Variants in SRSF1 observed in about 807,000 individuals in gnomAD.
SRSF1 encodes the protein serine/arginine-rich splicing factor 1.
A neutral mutation model predicts 25.9 loss-of-function variants in SRSF1; 1 was observed. That is an observed-to-expected ratio of 0.04 (90% CI 0.01 to 0.18). SRSF1 has a LOEUF of 0.18. SRSF1 is among the 10% of genes least tolerant of loss of function. The probability of loss-of-function intolerance (pLI) is 1.00; values close to 1 mark genes in which losing one functional copy is unlikely to be tolerated. For missense variants in SRSF1, 65 were observed against 350.5 expected (o/e 0.19, Z 6.50); for synonymous variants, 132 against 126.2 (o/e 1.05, Z -0.31).
chr17:58,001,474 A>C lies in SRSF1; in HGVS notation c.*3932T>G, dbSNP rs542250960. Among the ~76,000 whole-genome samples, 2 of 152,198 alleles carry C rather than the reference A, an allele frequency of 1.3e-5. No homozygotes were observed. Among genetic ancestry groups the C allele is most frequent in the East Asian group, 3.8e-4 (2 of 5,208 alleles). The stretch of plus-strand genomic sequence containing the variant: ...CAGACCCAAACAATCAAGAACCAGA[A>C]AATGGGTTTCTTACCTTTTGTTTCC... On this transcript the variant is annotated 3_prime_UTR_variant, in exon 4 of 4. Coordinates refer to ENST00000258962, the MANE Select transcript of SRSF1 (RefSeq NM_006924.5).
downstream of SRSF1, among the ~76,000 whole-genome samples, chr17:57,998,998 G>A (rs1214257405): frequency 3.3e-5 from 5 of 152,312 alleles, no homozygotes; most frequent in East Asian, 5.8e-4. Flanking sequence ...GAAACCTGGG[G>A]AGAAAGCGGT....
Position 58,002,730 on chromosome 17 carries a change from G to A in SRSF1, c.*2676C>T, listed in dbSNP as rs1227832772. On this transcript the variant is annotated 3_prime_UTR_variant, in exon 4 of 4. Coordinates refer to ENST00000258962, the MANE Select transcript of SRSF1 (RefSeq NM_006924.5). ...TGAGACTTGGGTTAAAAGTTCTACA[G>A]GCTGAGCATGGTGGCTCACACCTGT... 3.3e-5 allele frequency among the ~76,000 whole-genome samples: 5 copies of A among 152,220 alleles called. No homozygotes were observed. Among genetic ancestry groups the A allele is most frequent in the African/African-American group, 1.2e-4 (5 of 41,452 alleles).
chr17:57,992,241 C>G, the SRSF1 span: 2 of 152,104 alleles, frequency 1.3e-5, no homozygotes, highest in African/African-American at 2.4e-5. Context: ...AGGAAAGAAA[C>G]TAAGACAAGT....
chr17:57,997,487 G>A (rs898616504), downstream of SRSF1, among the ~76,000 whole-genome samples: 1 of 152,156 alleles, frequency 6.6e-6, no homozygotes, highest in East Asian at 1.9e-4. Context: ...TGGGTCTGTA[G>A]AGTTAAAAAA....
downstream of SRSF1, among the ~76,000 whole-genome samples, chr17:57,996,512 G>T (rs2075366042): frequency 8.4e-6 from 1 of 118,664 alleles, no homozygotes; most frequent in Admixed American, 8.2e-5. Context: ...AACAGCCTTT[G>T]CTCTCAGTTT....
chr17:57,990,967 T>TAC, the SRSF1 span: 1 of 152,224 alleles, frequency 6.6e-6, no homozygotes, highest in Non-Finnish European at 1.5e-5. Flanking sequence ...ATGAGAAATA[T>TAC]GTGTAAGATG....
At chr17:57,989,455 TCCCCTCCATTTATC>T in the SRSF1 span, 7 of 397,516 alleles carry the variant, frequency 1.8e-5, no homozygotes, top group Admixed American at 8.8e-5. Flanking sequence ...CTGAATCTTA[TCCCCTCCATTTATC>T]CCCCTCCAGA....
Position 58,005,506 on chromosome 17 carries a change from C to T in SRSF1, c.647G>A (p.Arg216His), listed in dbSNP as rs765557047. 3 of 1,614,152 alleles carry T rather than the reference C, an allele frequency of 1.9e-6. No homozygotes were observed. The highest frequency in any genetic ancestry group is 1.3e-5 in the African/African-American group (1 of 75,042). ...GCGACTCCTGCTGTTGCTTCTGCTA[C>T]GGCTTCTGCTACGACTACGGCTTCG... is the stretch of plus-strand genomic sequence containing the variant. ...RSRSRSRSRS[R>H]SRSNSRSRSY... Residue 216 changes from arginine (R) to histidine (H), a missense_variant, in exon 4 of 4, where the codon CGT (arginine) becomes CAT (histidine). By Grantham distance (29) the Arg-to-His change is conservative. Coordinates refer to ENST00000258962, the MANE Select transcript of SRSF1 (RefSeq NM_006924.5). The surrounding 1 kb of genome is among the most constrained non-coding windows in gnomAD (Gnocchi z 5.2).
At chr17:58,006,706 GC>G in intron 1 of SRSF1, 179 bp from the exon 2 acceptor site, 1 of 886,622 alleles carries the variant, frequency 1.1e-6, no homozygotes, top group South Asian at 1.8e-5. Flanking sequence ...CACTACACCA[GC>G]CCTCAGCGCC....
the SRSF1 span, chr17:57,989,273 G>C: frequency 2.5e-6 from 1 of 398,504 alleles, no homozygotes; most frequent in African/African-American, 2.1e-5. Context: ...GAAGCTACTG[G>C]GAATATCAGA....
In SRSF1 at chr17:58,002,285, C is replaced by T. The variant is rs955072469; in HGVS notation, c.*3121G>A. On this transcript the variant is annotated 3_prime_UTR_variant, in exon 4 of 4. Transcript: ENST00000258962. ...GAAATTCTGCATTCAACTTAACATC[C>T]CCTCTTCCCAACATTCCACAACGTT... Among the ~76,000 whole-genome samples, 2 of 152,104 alleles carry T rather than the reference C, an allele frequency of 1.3e-5. No homozygotes were observed. The highest frequency in any genetic ancestry group is 2.4e-5 in the African/African-American group (1 of 41,392).
chr17:58,005,719 C>T lies in SRSF1; in HGVS notation c.552+82G>A. 1 of 1,610,888 alleles carries T rather than the reference C, an allele frequency of 6.2e-7. No individual in the cohort carries two copies. Among genetic ancestry groups the T allele is most frequent in the Non-Finnish European group, 8.5e-7 (1 of 1,177,758 alleles). On this transcript the variant is annotated intron_variant, in intron 3 of 3. Transcript: ENST00000258962. The surrounding 1 kb of genome is among the most constrained non-coding windows in gnomAD (Gnocchi z 5.2). ...CTGGCAATTTACTTGGACAACCTTG[C>T]CTGAATCCTTACCTTGAAATTCCAC... is the stretch of plus-strand genomic sequence containing the variant.
At chr17:57,992,715 G>A in the SRSF1 span, 1 of 152,196 alleles carries the variant, frequency 6.6e-6, no homozygotes, top group Non-Finnish European at 1.5e-5. Flanking sequence ...AGATGTTCTT[G>A]TGAAGAGCAA....
chr17:57,990,408 A>C, the SRSF1 span: 1 of 152,168 alleles, frequency 6.6e-6, no homozygotes, highest in African/African-American at 2.4e-5. Context: ...AAAAAAATTA[A>C]CCTTTTAAGT....
At chr17:58,000,729 C>T (rs1174657741), downstream of SRSF1, among the ~76,000 whole-genome samples, 2 of 152,114 alleles carry the variant, frequency 1.3e-5, no homozygotes, top group Non-Finnish European at 2.9e-5. Context: ...TAGTACAGTT[C>T]CTACAATCCC....
the SRSF1 span, chr17:57,990,167 C>CTT: frequency 0.086 from 13,305 of 155,430 alleles, 710 homozygotes; most frequent in African/African-American, 0.16. Context: ...TCGCTGGACT[C>CTT]TTGAACTTGT....
At chr17:58,006,832 C>A in intron 1 of SRSF1, 112 bp downstream of exon 1, 3 of 1,328,962 alleles carry the variant, frequency 2.3e-6, no homozygotes, top group Non-Finnish European at 3.1e-6. Context: ...TACAGTCTCG[C>A]CCCAACCTCT....
At chr17:57,992,207 G>C in the SRSF1 span, 1 of 152,068 alleles carries the variant, frequency 6.6e-6, no homozygotes, top group East Asian at 1.9e-4. Flanking sequence ...CCAACAAATC[G>C]CAAGTAAAAT....
At chr17:57,999,510 G>A (rs2075377582), downstream of SRSF1, among the ~76,000 whole-genome samples, 1 of 152,172 alleles carries the variant, frequency 6.6e-6, no homozygotes, top group Non-Finnish European at 1.5e-5. Context: ...CTGAAAAGGG[G>A]AAGAATTTTA....
Sources: gnomAD v4.1 joint callset for allele counts (sites outside exome capture counted in the v4.1 genomes callset) on GRCh38, gnomAD v4.1.1 for gene constraint, Gnocchi (gnomAD v3.1) non-coding constraint, MANE v1.5 for transcripts, NCBI Gene and HGNC (gene_info 2026-07-23, HGNC 2026-07-21) for gene names.